Variants in TEAD1 observed in about 807,000 individuals in gnomAD.
TEAD1 encodes the protein transcriptional enhancer factor TEF-1.
In TEAD1, 9 loss-of-function variants were observed where a neutral mutation model predicts 54.9. The ratio of observed to expected loss-of-function variants is 0.16; its 90% CI spans 0.10 to 0.29. The LOEUF (loss-of-function observed/expected upper bound fraction) is 0.29. Ranked by LOEUF, TEAD1 falls within the 10% of genes least tolerant of loss-of-function variation. TEAD1 has a pLI of 1.00. For missense variants in TEAD1, 387 were observed against 535.9 expected, an observed-to-expected ratio of 0.72 and a Z score of 2.74; for synonymous variants, 200 against 187.8, an observed-to-expected ratio of 1.07 and a Z score of -0.53.
At chr11:12,684,497 C>G (rs963335102) in intron 2 of TEAD1, among the ~76,000 whole-genome samples, 4 of 152,150 alleles carry the variant, frequency 2.6e-5, no homozygotes, top group Non-Finnish European at 5.9e-5. Flanking sequence ...ATTGCATAAT[C>G]CCCCCTGGGG....
At chr11:12,726,375 G>T (rs7106453) in intron 2 of TEAD1, among the ~76,000 whole-genome samples, 1 of 152,028 alleles carries the variant, frequency 6.6e-6, no homozygotes, top group Non-Finnish European at 1.5e-5. Context: ...CTTGGAGACC[G>T]CAGATACTAG....
chr11:12,841,051 G>A (rs979190604), intron 3 of TEAD1, among the ~76,000 whole-genome samples: 2 of 152,170 alleles, frequency 1.3e-5, no homozygotes, highest in East Asian at 1.9e-4. Context: ...ATACGCTAAG[G>A]GCAGTGCATG....
chr11:12,705,720 T>C (rs1943799706), intron 2 of TEAD1, among the ~76,000 whole-genome samples: 1 of 152,198 alleles, frequency 6.6e-6, no homozygotes, highest in South Asian at 2.1e-4. Flanking sequence ...TTTAGTTCGG[T>C]GCTATACATG....
chr11:12,898,913 T>A (rs938260430), intron 9 of TEAD1, among the ~76,000 whole-genome samples: 1 of 152,238 alleles, frequency 6.6e-6, no homozygotes. Context: ...CATTGGTATG[T>A]GGTAGATTTT....
chr11:12,802,310 T>G (rs998736320), intron 3 of TEAD1, among the ~76,000 whole-genome samples: 4 of 152,200 alleles, frequency 2.6e-5, no homozygotes, highest in Non-Finnish European at 5.9e-5. Context: ...CCACAATGTG[T>G]GTGGGACTTC....
At chr11:12,921,515 GCAA>G (rs1948805929) in intron 10 of TEAD1, among the ~76,000 whole-genome samples, 2 of 134,832 alleles carry the variant, frequency 1.5e-5, no homozygotes, top group South Asian at 4.8e-4. Context: ...ACTCCAGTCT[GCAA>G]CAAGAGCAAA....
chr11:12,835,470 C>T (rs541351284), intron 3 of TEAD1, among the ~76,000 whole-genome samples: 5 of 150,584 alleles, frequency 3.3e-5, no homozygotes, highest in South Asian at 2.1e-4. Context: ...CCAGCACACC[C>T]GGCTAATTTT....
At chr11:12,791,413 A>G (rs536687931) in intron 3 of TEAD1, among the ~76,000 whole-genome samples, 1 of 152,326 alleles carries the variant, frequency 6.6e-6, no homozygotes, top group Admixed American at 6.5e-5. Context: ...AGGCTTTTGA[A>G]GATTAATTCC....
chr11:12,676,568 T>A (rs1348267409), intron 2 of TEAD1, among the ~76,000 whole-genome samples: 1 of 152,248 alleles, frequency 6.6e-6, no homozygotes, highest in Non-Finnish European at 1.5e-5. Context: ...TTACAAGGAC[T>A]AGACTTAAAT....
chr11:12,734,903 C>G (rs1944497316), intron 2 of TEAD1, among the ~76,000 whole-genome samples: 1 of 152,196 alleles, frequency 6.6e-6, no homozygotes, highest in South Asian at 2.1e-4. Context: ...TAGGCAATCA[C>G]AACTGCATAT....
chr11:12,906,121 C>T (rs1432167114), intron 10 of TEAD1, among the ~76,000 whole-genome samples: 2 of 152,058 alleles, frequency 1.3e-5, no homozygotes, highest in African/African-American at 4.8e-5. Flanking sequence ...ATAAGCTTTA[C>T]AGTGTCTCAT....
At chr11:12,917,950 T>TTA (rs1473300605) in intron 10 of TEAD1, among the ~76,000 whole-genome samples, 1 of 152,234 alleles carries the variant, frequency 6.6e-6, no homozygotes, top group Non-Finnish European at 1.5e-5. Flanking sequence ...AAAGATAAGT[T>TTA]TTACTAGTTT....
intron 2 of TEAD1, among the ~76,000 whole-genome samples, chr11:12,695,482 G>A (rs1047693399): frequency 1.3e-5 from 2 of 152,076 alleles, no homozygotes; most frequent in South Asian, 2.1e-4. Context: ...TTTCAGGCTG[G>A]GATTAGAGAC....
chr11:12,881,508 A>C (rs949092420), intron 7 of TEAD1, among the ~76,000 whole-genome samples: 6 of 152,194 alleles, frequency 3.9e-5, no homozygotes, highest in Non-Finnish European at 7.3e-5. Context: ...GGATAAAAGA[A>C]AGGAAACCTT....
intron 2 of TEAD1, among the ~76,000 whole-genome samples, chr11:12,755,996 T>C (rs575007473): frequency 6.6e-6 from 1 of 152,168 alleles, no homozygotes; most frequent in Admixed American, 6.5e-5. Context: ...AGTGGTCCCA[T>C]CAGAGCTGCA....
rs1266729652 is a variant in TEAD1, at chr11:12,928,997, G to A, written c.1015-1177G>A. On this transcript the variant is annotated intron_variant, in intron 11 of 12. Coordinates refer to ENST00000527636, the MANE Select transcript of TEAD1 (RefSeq NM_021961.6). ...TCCTAACTGAGATTTTATATCACTT[G>A]TGGCCTCCACCTTTTTCAGTGGTAA... 2.8e-5 allele frequency among the ~76,000 whole-genome samples: 4 copies of A among 145,332 alleles called. No individual in the cohort carries two copies. In the East Asian group the frequency reaches 8.1e-4, roughly 29 times the overall value.
intron 3 of TEAD1, among the ~76,000 whole-genome samples, chr11:12,780,002 C>T (rs1050834482): frequency 9.9e-5 from 15 of 152,072 alleles, no homozygotes; most frequent in Non-Finnish European, 1.6e-4. Flanking sequence ...AGATCAGGAG[C>T]GAGACAAGGA....
intron 10 of TEAD1, among the ~76,000 whole-genome samples, 179 bp downstream of exon 10, chr11:12,902,292 G>T (rs541836972): frequency 6.6e-6 from 1 of 152,232 alleles, no homozygotes; most frequent in African/African-American, 2.4e-5. Context: ...CCGGCCTTAT[G>T]CATCCACATG....
chr11:12,731,355 A>G (rs78873921), intron 2 of TEAD1, among the ~76,000 whole-genome samples: 1,912 of 152,348 alleles, frequency 0.013, 18 homozygotes, highest in Non-Finnish European at 0.018. Flanking sequence ...CCGTAATTTC[A>G]CCACTCATAG....
Sources: gnomAD v4.1 joint callset for allele counts (sites outside exome capture counted in the v4.1 genomes callset) on GRCh38, gnomAD v4.1.1 for gene constraint, MANE v1.5 for transcripts, NCBI Gene and HGNC (gene_info 2026-07-23, HGNC 2026-07-21) for gene names.